The following LRRC4C variants were observed in gnomAD, a reference collection of about 807,000 sequenced individuals.
LRRC4C encodes the protein leucine rich repeat containing 4C, also known as leucine-rich repeat-containing protein 4C.
Under a neutral mutation model 33.6 loss-of-function variants are expected in LRRC4C, and 5 were observed. The ratio of observed to expected loss-of-function variants is 0.15; its 90% CI spans 0.08 to 0.31. The LOEUF is 0.31. LRRC4C is among the 10% of genes least tolerant of loss of function. The probability of loss-of-function intolerance (pLI) is 1.00; values close to 1 mark genes in which losing one functional copy is unlikely to be tolerated. For synonymous variants in LRRC4C, 329 were observed against 302.0 expected, an observed-to-expected ratio of 1.09 and a Z score of -0.93; for missense variants, 560 against 796.7, an observed-to-expected ratio of 0.70 and a Z score of 3.58.
chr11:41,437,423 G>GCACACACACA lies in LRRC4C; in HGVS notation c.-496+22007_-496+22008insTGTGTGTGTG, dbSNP rs1173350573. On this transcript the variant is annotated intron_variant, in intron 1 of 6. Coordinates refer to ENST00000528697, the MANE Select transcript of LRRC4C (RefSeq NM_001258419.2). Reference sequence around the variant, plus strand: ...CGCACACACACAAACGCGCGCGCGCGCGCACACACACACACACACACACCA... The same window carrying GCACACACACA: ...CGCACACACACAAACGCGCGCGCGCGCACACACACACGCACACACACACACACACACACCA... Among the ~76,000 whole-genome samples, 230 of 149,684 alleles carry GCACACACACA rather than the reference G, an allele frequency of 1.5e-3. 4 individuals carry two copies. Among genetic ancestry groups the GCACACACACA allele is most frequent in the East Asian group, 0.015 (77 of 5,064 alleles).
chr11:41,115,579 G>A (rs1260236034), intron 1 of LRRC4C, among the ~76,000 whole-genome samples: 3 of 151,786 alleles, frequency 2.0e-5, no homozygotes, highest in Admixed American at 2.0e-4. Flanking sequence ...CATTTGCGAT[G>A]GGAAAAAATA....
At chr11:40,214,428 G>A (rs927456594) in intron 5 of LRRC4C, among the ~76,000 whole-genome samples, 5 of 151,976 alleles carry the variant, frequency 3.3e-5, no homozygotes, top group Admixed American at 3.3e-4. Context: ...CCTTTCTTTG[G>A]CCTCTCAACT....
In LRRC4C at chr11:40,114,962, G is replaced by A; in HGVS notation, c.1331C>T (p.Thr444Ile). The change falls in exon 7 of 7, where the codon ACT becomes ATT. Residue 444 changes from threonine to isoleucine, a missense_variant. This residue lies in a region of LRRC4C where 455 missense variants were observed against 643.8 expected (regional missense o/e 0.71). Coordinates refer to ENST00000528697, the MANE Select transcript of LRRC4C (RefSeq NM_001258419.2). ...NTTASATLNVTAATTTPFSYF... is the reference protein window; with the variant it reads ...NTTASATLNVIAATTTPFSYF... ...AGAGAAAGGAGTAGTGGTTGCTGCAGTAACATTCAGGGTGGCTGAAGCAGT... is the reference window on the plus strand; with the variant it reads ...AGAGAAAGGAGTAGTGGTTGCTGCAATAACATTCAGGGTGGCTGAAGCAGT... 1 of 1,614,202 alleles carries A rather than the reference G, an allele frequency of 6.2e-7. No homozygotes were observed. Among genetic ancestry groups the A allele is most frequent in the Non-Finnish European group, 8.5e-7 (1 of 1,180,050 alleles).
chr11:41,247,275 T>C (rs1035545846), intron 1 of LRRC4C, among the ~76,000 whole-genome samples: 2 of 152,144 alleles, frequency 1.3e-5, no homozygotes, highest in Non-Finnish European at 2.9e-5. Context: ...TTCCTAAAAA[T>C]CCCTTCCAGG....
intron 2 of LRRC4C, among the ~76,000 whole-genome samples, chr11:40,916,103 T>G (rs1956945528): frequency 6.6e-6 from 1 of 152,196 alleles, no homozygotes; most frequent in African/African-American, 2.4e-5. Flanking sequence ...TTGGTGGGAC[T>G]GCAAACTAGT....
chr11:40,977,585 T>C (rs1316338461), intron 1 of LRRC4C, among the ~76,000 whole-genome samples: 1 of 152,044 alleles, frequency 6.6e-6, no homozygotes, highest in Non-Finnish European at 1.5e-5. Context: ...ATAGTTGAGA[T>C]AGAAAAAAAC....
At chr11:40,869,135 T>C (rs1314714499) in intron 2 of LRRC4C, among the ~76,000 whole-genome samples, 5 of 152,092 alleles carry the variant, frequency 3.3e-5, no homozygotes, top group Admixed American at 3.3e-4. Context: ...ATGCCTCTGA[T>C]CACAGAATGA....
chr11:40,608,753 T>C (rs1960892855), intron 3 of LRRC4C, among the ~76,000 whole-genome samples: 1 of 151,952 alleles, frequency 6.6e-6, no homozygotes, highest in Non-Finnish European at 1.5e-5. Flanking sequence ...TCCATGCAAA[T>C]GGTAACCAAA....
rs1156569821 is a variant in LRRC4C, at chr11:41,450,645, A to G, written c.-496+8786T>C. Among the ~76,000 whole-genome samples the G allele has an allele frequency of 3.3e-5, 5 of 152,086 alleles. No individual in the cohort carries two copies. The East Asian group carries it at 9.6e-4, about 29-fold the overall frequency. ...AATGATGCCCCCTGTATGCAACTAT[A>G]AAGTTTTTAATATATCATCTGAAAT... is the stretch of plus-strand genomic sequence containing the variant. On this transcript the variant is annotated intron_variant, in intron 1 of 6. Transcript: ENST00000528697.
At chr11:40,787,093 G>T (rs12270654) in intron 2 of LRRC4C, among the ~76,000 whole-genome samples, 27,004 of 152,080 alleles carry the variant, frequency 0.18, 3,159 homozygotes, top group African/African-American at 0.33. Flanking sequence ...CCACATAGTA[G>T]TTCTCCCCAT....
intron 5 of LRRC4C, among the ~76,000 whole-genome samples, chr11:40,188,644 A>G (rs1358054533): frequency 1.3e-5 from 2 of 152,164 alleles, no homozygotes; most frequent in Non-Finnish European, 2.9e-5. Context: ...GAAGGCAGCA[A>G]GGTTCCTTTC....
At chr11:40,379,950 G>A (rs1488399726) in intron 3 of LRRC4C, among the ~76,000 whole-genome samples, 1 of 152,026 alleles carries the variant, frequency 6.6e-6, no homozygotes, top group Non-Finnish European at 1.5e-5. Context: ...TGAGTCCTGT[G>A]GATGACTTTG....
chr11:40,587,982 T>C (rs1958841547), intron 3 of LRRC4C, among the ~76,000 whole-genome samples: 1 of 152,150 alleles, frequency 6.6e-6, no homozygotes, highest in African/African-American at 2.4e-5. Context: ...AGAATGATGC[T>C]GGCCTCATAA....
At chr11:41,327,745 T>C (rs1951166675) in intron 1 of LRRC4C, among the ~76,000 whole-genome samples, 1 of 152,138 alleles carries the variant, frequency 6.6e-6, no homozygotes, top group African/African-American at 2.4e-5. Context: ...CGTGCTGTTC[T>C]CATGAAAGTG....
At chr11:40,596,815 C>T (rs1959373067) in intron 3 of LRRC4C, among the ~76,000 whole-genome samples, 1 of 152,130 alleles carries the variant, frequency 6.6e-6, no homozygotes, top group African/African-American at 2.4e-5. Flanking sequence ...GCAGAGATGT[C>T]TGCATTCCCA....
intron 2 of LRRC4C, among the ~76,000 whole-genome samples, chr11:40,746,677 T>C (rs1315021468): frequency 6.6e-6 from 1 of 152,048 alleles, no homozygotes; most frequent in Admixed American, 6.6e-5. Flanking sequence ...CTATGTATGC[T>C]CCATCCCAGG....
intron 2 of LRRC4C, among the ~76,000 whole-genome samples, chr11:40,694,919 T>G (rs1023915470): frequency 1.3e-5 from 2 of 152,182 alleles, no homozygotes; most frequent in Non-Finnish European, 2.9e-5. Context: ...CCTTCCGGTC[T>G]TCCATTTTTT....
chr11:41,189,247 C>A (rs1442455133), intron 1 of LRRC4C, among the ~76,000 whole-genome samples: 1 of 152,078 alleles, frequency 6.6e-6, no homozygotes. Flanking sequence ...ATGGTCAGTG[C>A]TATGAAGATG....
intron 5 of LRRC4C, among the ~76,000 whole-genome samples, chr11:40,186,554 C>A (rs1319086411): frequency 6.6e-6 from 1 of 152,166 alleles, no homozygotes; most frequent in East Asian, 1.9e-4. Flanking sequence ...AACTGGAAAG[C>A]CTGTTCTGCA....
Sources: allele counts gnomAD v4.1 joint callset (sites outside exome capture counted in the v4.1 genomes callset), GRCh38; gene constraint gnomAD v4.1.1; regional missense constraint gnomAD v4.1.1; transcripts MANE v1.5; gene names NCBI Gene and HGNC (gene_info 2026-07-23, HGNC 2026-07-21).